Variants in ADGRL1 observed in about 807,000 individuals in gnomAD.
The protein encoded by ADGRL1 is CIRL-1.
In ADGRL1, 31 loss-of-function variants were observed where a neutral mutation model predicts 148.9. That is an observed-to-expected ratio of 0.21 (90% confidence interval 0.16 to 0.28). ADGRL1 has a LOEUF of 0.28. Among genes scored for constraint, ADGRL1 ranks in the 10% least tolerant of loss-of-function variants. The pLI is 1.00. For missense variants in ADGRL1, 1,521 were observed against 2,058.8 expected, an observed-to-expected ratio of 0.74 and a Z score of 5.05; for synonymous variants, 937 against 900.3, an observed-to-expected ratio of 1.04 and a Z score of -0.73.
intron 4 of ADGRL1, among the ~76,000 whole-genome samples, chr19:14,166,413 C>A (rs1024101493): frequency 2.0e-5 from 3 of 152,042 alleles, no homozygotes; most frequent in Non-Finnish European, 2.9e-5. Context: ...AAACATCAAA[C>A]CAGAAGGAAC....
Position 14,161,181 on chromosome 19 carries a change from T to C in ADGRL1, c.1510+131A>G. On this transcript the variant is annotated intron_variant, in intron 6 of 22. Coordinates refer to ENST00000361434, the MANE Select transcript of ADGRL1 (RefSeq NM_014921.5). The surrounding 1 kb of genome is among the most constrained non-coding windows in gnomAD (Gnocchi z 4.4). ...TCCTGTGCCCTGAGAGCTCTGCTGG[T>C]CACTGGGGATGACCCCTGCCCTCAG... The C allele has an allele frequency of 1.1e-6, 1 of 910,082 alleles. No homozygotes were observed. The highest frequency in any genetic ancestry group is 1.6e-6 in the Non-Finnish European group (1 of 635,958). The allele number at this position is 910,082 out of a possible 1,614,324, so 56.4% of individuals were successfully genotyped here.
chr19:14,152,142 G>C lies in ADGRL1; in HGVS notation c.3658C>G (p.Arg1220Gly). ...PPVFNSPGSY[R>G]EPKHPLGGRE... is the part of the protein sequence containing the mutation. ...GAAGAGTCACACTTACTGGGTTCCC[G>C]GTAGCTCCCTGCAGGTGGCAGCCAG... Residue 1220 changes from arginine (R) to glycine (G), a missense_variant, in exon 22 of 23, where the codon CGG becomes GGG. Coordinates refer to ENST00000361434, the MANE Select transcript of ADGRL1 (RefSeq NM_014921.5). The surrounding 1 kb of genome is among the most constrained non-coding windows in gnomAD (Gnocchi z 6.1). The C allele has an allele frequency of 1.2e-6, 2 of 1,614,038 alleles. No homozygotes were observed. The highest frequency in any genetic ancestry group is 1.1e-5 in the South Asian group (1 of 91,066).
intron 3 of ADGRL1, among the ~76,000 whole-genome samples, chr19:14,173,745 G>C (rs1970631977): frequency 6.6e-6 from 1 of 151,994 alleles, no homozygotes; most frequent in Non-Finnish European, 1.5e-5. Flanking sequence ...TCAGAAGTTT[G>C]AGACCAGCCT....
Position 14,151,579 on chromosome 19 carries a change from T to C in ADGRL1, c.3704A>G (p.Asp1235Gly), listed in dbSNP as rs1425124341. 6.2e-7 allele frequency: 1 copy of C among 1,608,058 alleles called. No individual in the cohort carries two copies. The highest frequency in any genetic ancestry group is 8.5e-7 in the Non-Finnish European group (1 of 1,179,040). Residue 1235 changes from aspartate to glycine, a missense_variant, in exon 23 of 23, where the codon GAC becomes GGC. By Grantham distance (94) the Asp-to-Gly change is moderately conservative (BLOSUM62 -1). Transcript: ENST00000361434. ...GAAGTTGCCGTTCAGGGGCAGGGTG[T>C]CCATGCCACAGGCTTCCCGGCCTCC... ...PLGGREACGM[D>G]TLPLNGNFNN...
chr19:14,151,649 AG>A (rs2144599730), intron 22 of ADGRL1, 34 bp from the exon 23 acceptor site: 2 of 1,553,086 alleles, frequency 1.3e-6, no homozygotes, highest in Non-Finnish European at 1.7e-6. Context: ...CAGGTTGAAG[AG>A]GGGCCCTGGA....
chr19:14,149,275 C>T lies in ADGRL1; in HGVS notation c.*1598G>A, dbSNP rs1967910006. The T allele has an allele frequency of 6.6e-6, 1 of 152,350 alleles. No homozygotes were observed. Among genetic ancestry groups the T allele is most frequent in the East Asian group, 1.9e-4 (1 of 5,172 alleles). The allele number at this position is 152,350 out of a possible 1,614,324, so 9.4% of individuals were successfully genotyped here. On this transcript the variant is annotated 3_prime_UTR_variant, in exon 23 of 23. Transcript: ENST00000361434. ...GAACATGGGTGTCCCGACCCCAGCC[C>T]TGGCACCTGGCTTCGTCTTCCCTGC...
intron 2 of ADGRL1, 52 bp downstream of exon 2, chr19:14,183,481 C>T (rs891655277): frequency 3.3e-5 from 50 of 1,495,920 alleles, no homozygotes; most frequent in Non-Finnish European, 4.5e-5. Context: ...TATCTGCCCC[C>T]CCCAGAAGGG....
Position 14,157,520 on chromosome 19 carries a change from A to T in ADGRL1, c.2536-60T>A. Reference sequence around the variant, plus strand: ...TTGGTTTTGCACGCTGGGCTCAGCCAGGTGCCAGCCACAGACAGGGCCCTG... The same window carrying T: ...TTGGTTTTGCACGCTGGGCTCAGCCTGGTGCCAGCCACAGACAGGGCCCTG... On this transcript the variant is annotated intron_variant, in intron 13 of 22. Coordinates refer to ENST00000361434, the MANE Select transcript of ADGRL1 (RefSeq NM_014921.5). The surrounding 1 kb of genome is among the most constrained non-coding windows in gnomAD (Gnocchi z 7.5). 6.5e-7 allele frequency: 1 copy of T among 1,543,946 alleles called. No homozygotes were observed. The highest frequency in any genetic ancestry group is 8.9e-7 in the Non-Finnish European group (1 of 1,121,044).
Position 14,159,668 on chromosome 19 carries a change from C to T in ADGRL1, c.1839+67G>A. The T allele has an allele frequency of 6.2e-7, 1 of 1,600,922 alleles. No homozygotes were observed. Among genetic ancestry groups the T allele is most frequent in the Non-Finnish European group, 8.6e-7 (1 of 1,168,798 alleles). On this transcript the variant is annotated intron_variant, in intron 9 of 22. Coordinates refer to ENST00000361434, the MANE Select transcript of ADGRL1 (RefSeq NM_014921.5). This position sits in a 1 kb window ranked among gnomAD's most constrained non-coding sequence, Gnocchi z 6.0. ...TGGGCTCTGCATGCCCTCTTCTCAA[C>T]CTCCACCCCTAATCCCCCCATCAGC...
chr19:14,166,249 C>T (rs899754840), intron 4 of ADGRL1, among the ~76,000 whole-genome samples: 15 of 151,792 alleles, frequency 9.9e-5, no homozygotes, highest in Non-Finnish European at 4.4e-5. Flanking sequence ...CCCTCGCCCT[C>T]ATTTTTTCAT....
Position 14,160,943 on chromosome 19 carries a change from C to T in ADGRL1, c.1511-247G>A, listed in dbSNP as rs1391976010. Among the ~76,000 whole-genome samples the T allele has an allele frequency of 6.6e-6, 1 of 152,164 alleles. No individual in the cohort carries two copies. The highest frequency in any genetic ancestry group is 1.5e-5 in the Non-Finnish European group (1 of 68,022). On this transcript the variant is annotated intron_variant, in intron 6 of 22. Coordinates refer to ENST00000361434, the MANE Select transcript of ADGRL1 (RefSeq NM_014921.5). The surrounding 1 kb of genome is among the most constrained non-coding windows in gnomAD (Gnocchi z 5.9). Reference sequence around the variant, plus strand: ...CAGAGTTAGAACCTTCCAGCAAGGCCCATCTTGAACGCCCCCTCTCCACGA... The same window carrying T: ...CAGAGTTAGAACCTTCCAGCAAGGCTCATCTTGAACGCCCCCTCTCCACGA...
At chr19:14,181,481 G>A (rs540243334) in intron 2 of ADGRL1, among the ~76,000 whole-genome samples, 1 of 152,346 alleles carries the variant, frequency 6.6e-6, no homozygotes, top group East Asian at 1.9e-4. Flanking sequence ...CACTTTGGAA[G>A]GCCGAGGTGG....
At chr19:14,180,330 A>G (rs1971102311) in intron 2 of ADGRL1, among the ~76,000 whole-genome samples, 1 of 152,106 alleles carries the variant, frequency 6.6e-6, no homozygotes, top group Non-Finnish European at 1.5e-5. Flanking sequence ...ATCTCAGCTC[A>G]CTGCAACCTC....
At position 14,179,486 on chromosome 19, in the gene ADGRL1, T is replaced by C. The variant is rs1052050724; in HGVS notation, c.71-1742A>G. ...TACAGCCTGGGCGACAGAGCGAGAC[T>C]CCATCAAACAAACAAACAAATAAAT... On this transcript the variant is annotated intron_variant, in intron 2 of 22. Coordinates refer to ENST00000361434, the MANE Select transcript of ADGRL1 (RefSeq NM_014921.5). Among the ~76,000 whole-genome samples the C allele has an allele frequency of 2.7e-5, 4 of 148,980 alleles. No homozygotes were observed. In the South Asian group the frequency reaches 8.6e-4, roughly 32 times the overall value.
chr19:14,167,057 GA>G, intron 4 of ADGRL1: 1 of 1,566,138 alleles, frequency 6.4e-7, no homozygotes, highest in African/African-American at 1.4e-5. Flanking sequence ...AAGAGAGAGA[GA>G]AAACAAATTG....
At chr19:14,158,255 A>T in intron 12 of ADGRL1, 83 bp downstream of exon 12, 2 of 1,412,922 alleles carry the variant, frequency 1.4e-6, no homozygotes, top group Non-Finnish European at 2.0e-6. Context: ...TCTGGAGGTG[A>T]GCACATGGAG....
In ADGRL1 at chr19:14,160,280, G is replaced by A. The variant is rs372153680; in HGVS notation, c.1632C>T (p.Asn544=). 17 of 1,592,110 alleles carry A rather than the reference G, an allele frequency of 1.1e-5. No individual in the cohort carries two copies. Among genetic ancestry groups the A allele is most frequent in the Admixed American group, 1.7e-5 (1 of 59,570 alleles). The part of the protein sequence containing the change: ...QVAQKIKSGE[N]AANIASELAR... ...CCAGCTCGCTGGCGATGTTGGCCGCGTTCTCCCCACTCTTGATCTGCATGA... is the reference window on the plus strand; with the variant it reads ...CCAGCTCGCTGGCGATGTTGGCCGCATTCTCCCCACTCTTGATCTGCATGA... The change falls in exon 8 of 23, where the codon AAC becomes AAT. Residue 544 remains asparagine (N), a synonymous_variant. Coordinates refer to ENST00000361434, the MANE Select transcript of ADGRL1 (RefSeq NM_014921.5). The surrounding 1 kb of genome is among the most constrained non-coding windows in gnomAD (Gnocchi z 5.9).
At position 14,152,777 on chromosome 19, in the gene ADGRL1, C is replaced by G. The variant is rs747787878; in HGVS notation, c.3423+7G>C. 3.7e-6 allele frequency: 6 copies of G among 1,613,798 alleles called. No individual in the cohort carries two copies. The highest frequency in any genetic ancestry group is 3.3e-5 in the Admixed American group (2 of 59,996). ...TCAGCCCCAGGGAGTCCTGTCTGGC[C>G]CGATACCTGGGTCCCTGTGTAGTAG... On this transcript the variant is annotated splice_region_variant and intron_variant, in intron 19 of 22. Transcript: ENST00000361434. The surrounding 1 kb of genome is among the most constrained non-coding windows in gnomAD (Gnocchi z 6.1).
intron 4 of ADGRL1, among the ~76,000 whole-genome samples, chr19:14,168,520 A>T (rs1014579206): frequency 2.0e-5 from 3 of 151,916 alleles, no homozygotes; most frequent in African/African-American, 7.3e-5. Context: ...TCATCCTCTG[A>T]ACTGTCCTGC....
Sources: allele counts gnomAD v4.1 joint callset (sites outside exome capture counted in the v4.1 genomes callset), GRCh38; gene constraint gnomAD v4.1.1; non-coding constraint Gnocchi (gnomAD v3.1); transcripts MANE v1.5; gene names NCBI Gene and HGNC (gene_info 2026-07-23, HGNC 2026-07-21).